The following ABCB9 variants were observed in gnomAD, a reference collection of about 807,000 sequenced individuals.
ABCB9 encodes ABC-type oligopeptide transporter ABCB9.
A neutral mutation model predicts 62.0 loss-of-function variants in ABCB9; 36 were observed. That is an observed-to-expected ratio of 0.58 (90% CI 0.45 to 0.77). ABCB9 has a LOEUF of 0.77. ABCB9 is among the 30% of genes least tolerant of loss of function. The pLI is 0.00. For synonymous variants in ABCB9, 435 were observed against 461.4 expected (o/e 0.94, Z 0.73); for missense variants, 943 against 1,054.7 (o/e 0.89, Z 1.47).
At chr12:122,957,924 C>T (rs906219656) in intron 2 of ABCB9, among the ~76,000 whole-genome samples, 1 of 151,256 alleles carries the variant, frequency 6.6e-6, no homozygotes, top group Non-Finnish European at 1.5e-5. Context: ...AATCCCAGCA[C>T]CTTGGGAGGC....
Position 122,931,986 on chromosome 12 carries a change from C to G in ABCB9, c.2040+206G>C. The G allele has an allele frequency of 1.2e-5, 10 of 852,522 alleles. No individual in the cohort carries two copies. In the Admixed American group the frequency reaches 2.5e-4, roughly 21 times the overall value. 52.8% of individuals were successfully genotyped at this position (852,522 alleles called of 1,614,324 possible). ...ATGCCTTCTCTTGCCCCACACCATACAGCTCTGCCTGGAGCCTGGAGGCTG... is the reference window on the plus strand; with the variant it reads ...ATGCCTTCTCTTGCCCCACACCATAGAGCTCTGCCTGGAGCCTGGAGGCTG... On this transcript the variant is annotated intron_variant, in intron 11 of 11. Coordinates refer to ENST00000280560, the MANE Select transcript of ABCB9 (RefSeq NM_019625.4).
At chr12:122,963,729 T>C (rs1164753440) in intron 1 of ABCB9, among the ~76,000 whole-genome samples, 1 of 151,978 alleles carries the variant, frequency 6.6e-6, no homozygotes, top group Non-Finnish European at 1.5e-5. Flanking sequence ...TGGGGGGATA[T>C]AACAACCTCC....
rs1481368684 is a variant in ABCB9, at chr12:122,966,321, G to C, written c.-122C>G. ...GGCACCAGGTGAGCTCTGGGAGGGG[G>C]CGCGCAGCAGGCTCGGGTCTGGGGT... is the stretch of plus-strand genomic sequence containing the variant. On this transcript the variant is annotated 5_prime_UTR_variant, in exon 1 of 12. Transcript: ENST00000280560. 1.3e-5 allele frequency: 2 copies of C among 152,582 alleles called. No homozygotes were observed. The highest frequency in any genetic ancestry group is 4.8e-5 in the African/African-American group (2 of 41,478). The allele number at this position is 152,582 out of a possible 1,614,324, so 9.5% of individuals were successfully genotyped here.
At chr12:122,948,893 T>G in intron 4 of ABCB9, 64 bp from the exon 5 acceptor site, 67 of 1,324,276 alleles carry the variant, frequency 5.1e-5, no homozygotes, top group Non-Finnish European at 5.7e-5. Flanking sequence ...CGGTGGGGGA[T>G]GCTAAGGGGC....
chr12:122,974,911 C>T (rs58025094), exon 1 of ABCB9: 4 of 205,464 alleles, frequency 1.9e-5, no homozygotes, highest in Non-Finnish European at 3.9e-5. Context: ...GGGCAGACGG[C>T]GGGGGGTGGG....
chr12:122,919,310 C>T (rs886701932), downstream of ABCB9, among the ~76,000 whole-genome samples: 4 of 152,028 alleles, frequency 2.6e-5, no homozygotes, highest in Non-Finnish European at 4.4e-5. Context: ...GTAGCTGGGA[C>T]GACCGGTATG....
In ABCB9 at chr12:122,929,148, A is replaced by T; in HGVS notation, c.*763T>A. ...CCACGTGGCCTCCAGACAGCAGAGC[A>T]CAGGGGCGGGTGTGGGGAGGGAGGC... On this transcript the variant is annotated 3_prime_UTR_variant, in exon 12 of 12. Coordinates refer to ENST00000280560, the MANE Select transcript of ABCB9 (RefSeq NM_019625.4). The surrounding 1 kb of genome is among the most constrained non-coding windows in gnomAD (Gnocchi z 6.0). The T allele has an allele frequency of 1.0e-6, 1 of 978,966 alleles. No homozygotes were observed. The highest frequency in any genetic ancestry group is 1.2e-6 in the Non-Finnish European group (1 of 824,762). 60.6% of individuals were successfully genotyped at this position (978,966 alleles called of 1,614,324 possible). A position where few individuals can be genotyped will look rare whatever the true frequency, so the allele number is the denominator to read the frequency against.
At chr12:122,919,260 C>T (rs891130882), downstream of ABCB9, among the ~76,000 whole-genome samples, 2 of 152,164 alleles carry the variant, frequency 1.3e-5, no homozygotes, top group Non-Finnish European at 2.9e-5. Flanking sequence ...CAGCCTCAAC[C>T]TCCTTGAGCT....
chr12:122,921,151 A>ACTTTGGGAGGCCGAGATGGGTGGAT, intron 11 of ABCB9: 1 of 1,129,654 alleles, frequency 8.9e-7, no homozygotes, highest in South Asian at 1.3e-5. Flanking sequence ...GTGATGGGGC[A>ACTTTGGGAGGCCGAGATGGGTGGAT]CACCTGTAAT....
In ABCB9 at chr12:122,960,232, G is replaced by A. The variant is rs149734521; in HGVS notation, c.4C>T (p.Arg2Trp). ...GTCACCACCACCGCCTTCCACAGCC[G>A]CATCCTGCTGGTTGGAGGTGGGCGG... M[R>W]LWKAVVVTLA... The change falls in exon 2 of 12, where the codon CGG becomes TGG. Residue 2 changes from arginine to tryptophan, a missense_variant. Transcript: ENST00000280560. The A allele has an allele frequency of 1.8e-4, 294 of 1,609,940 alleles. No homozygotes were observed. The highest frequency in any genetic ancestry group is 8.5e-4 in the African/African-American group (64 of 75,002).
At position 122,966,315 on chromosome 12, in the gene ABCB9, G is replaced by GA. The variant is rs1329727926; in HGVS notation, c.-117dup. ...TTACCTGGCACCAGGTGAGCTCTGG[G>GA]AGGGGGCGCGCAGCAGGCTCGGGTC... On this transcript the variant is annotated 5_prime_UTR_variant, in exon 1 of 12. The change creates a premature stop within an existing upstream ORF in the 5' untranslated region. Transcript: ENST00000280560. The GA allele has an allele frequency of 6.6e-6, 1 of 152,616 alleles. No individual in the cohort carries two copies. Among genetic ancestry groups the GA allele is most frequent in the African/African-American group, 2.4e-5 (1 of 41,480 alleles). The allele number at this position is 152,616 out of a possible 1,614,324, so 9.5% of individuals were successfully genotyped here.
chr12:122,929,632 C>A lies in ABCB9; in HGVS notation c.*279G>T. ...GGTGCCTCAAACCAAACAGTAAAAA[C>A]CCTGGTAAGACCTAGGTTTAAAAAG... On this transcript the variant is annotated 3_prime_UTR_variant, in exon 12 of 12. Coordinates refer to ENST00000280560, the MANE Select transcript of ABCB9 (RefSeq NM_019625.4). The surrounding 1 kb of genome is among the most constrained non-coding windows in gnomAD (Gnocchi z 6.0). 8.2e-7 allele frequency: 1 copy of A among 1,216,770 alleles called. No individual in the cohort carries two copies. The highest frequency in any genetic ancestry group is 1.0e-6 in the Non-Finnish European group (1 of 977,804). 75.4% of individuals were successfully genotyped at this position (1,216,770 alleles called of 1,614,324 possible). A position where few individuals can be genotyped will look rare whatever the true frequency, so the allele number is the denominator to read the frequency against.
At chr12:122,933,205 T>A (rs2035282753) in intron 10 of ABCB9, among the ~76,000 whole-genome samples, 3 of 152,222 alleles carry the variant, frequency 2.0e-5, no homozygotes, top group Admixed American at 2.0e-4. Context: ...CCACCAGTTC[T>A]TTATTATTTC....
At position 122,945,953 on chromosome 12, in the gene ABCB9, T is replaced by C. The variant is rs574552689; in HGVS notation, c.1251+72A>G. 2.6e-5 allele frequency: 39 copies of C among 1,478,596 alleles called. No individual in the cohort carries two copies. In the African/African-American group the frequency reaches 4.5e-4, roughly 17 times the overall value. 91.6% of individuals were successfully genotyped at this position (1,478,596 alleles called of 1,614,324 possible). ...ACACCAACATGCAGGACTGATGTCC[T>C]AGATCGAGGGCTTCCCCCATCTTTG... On this transcript the variant is annotated intron_variant, in intron 6 of 11. Coordinates refer to ENST00000280560, the MANE Select transcript of ABCB9 (RefSeq NM_019625.4).
At position 122,959,525 on chromosome 12, in the gene ABCB9, T is replaced by C; in HGVS notation, c.601+110A>G. Reference sequence around the variant, plus strand: ...TATGCCTGGCCTCTTTTCCTTTTCATATCAATTTGATGTCTGAACCACGTA... The same window carrying C: ...TATGCCTGGCCTCTTTTCCTTTTCACATCAATTTGATGTCTGAACCACGTA... On this transcript the variant is annotated intron_variant, in intron 2 of 11. Coordinates refer to ENST00000280560, the MANE Select transcript of ABCB9 (RefSeq NM_019625.4). The surrounding 1 kb of genome is among the most constrained non-coding windows in gnomAD (Gnocchi z 5.4). 10 of 1,486,776 alleles carry C rather than the reference T, an allele frequency of 6.7e-6. No individual in the cohort carries two copies. The highest frequency in any genetic ancestry group is 9.0e-6 in the Non-Finnish European group (10 of 1,113,628). The allele number at this position is 1,486,776 out of a possible 1,614,324, so 92.1% of individuals were successfully genotyped here.
rs778564699 is a variant in ABCB9 at position 122,935,437 on chromosome 12, G to T, written c.1744-6C>A. ...TCCTGGCTCACCAGGGAGATCTGGG[G>T]AGGAGGGAGCATGGAGCATGAGAGG... On this transcript the variant is annotated splice_region_variant and splice_polypyrimidine_tract_variant and intron_variant, in intron 9 of 11. Transcript: ENST00000280560. 1 of 1,612,444 alleles carries T rather than the reference G, an allele frequency of 6.2e-7. No homozygotes were observed. The highest frequency in any genetic ancestry group is 1.1e-5 in the South Asian group (1 of 90,906).
intron 10 of ABCB9, among the ~76,000 whole-genome samples, chr12:122,933,756 C>A (rs2035316544): frequency 6.6e-6 from 1 of 151,746 alleles, no homozygotes; most frequent in South Asian, 2.1e-4. Context: ...TTTAAAAATT[C>A]TTTTAAATTG....
chr12:122,952,039 C>T (rs556700488), intron 2 of ABCB9: 1 of 152,542 alleles, frequency 6.6e-6, no homozygotes, highest in Non-Finnish European at 1.5e-5. Flanking sequence ...CCTTCTGCAG[C>T]GTGAGGACAC....
At chr12:122,946,602 G>T (rs1156231200) in intron 5 of ABCB9, 1 of 268,490 alleles carries the variant, frequency 3.7e-6, no homozygotes, top group Non-Finnish European at 7.3e-6. Flanking sequence ...GCCTTGGACG[G>T]TTGTTCAGGT....
Sources: gnomAD v4.1 joint callset for allele counts (sites outside exome capture counted in the v4.1 genomes callset) on GRCh38, gnomAD v4.1.1 for gene constraint, Gnocchi (gnomAD v3.1) non-coding constraint, MANE v1.5 for transcripts, NCBI Gene and HGNC (gene_info 2026-07-23, HGNC 2026-07-21) for gene names.